Variants in DENND1B observed in about 807,000 individuals in gnomAD.
DENND1B encodes DENN domain containing 1B.
Under a neutral mutation model 90.1 loss-of-function variants are expected in DENND1B, and 59 were observed. The ratio of observed to expected loss-of-function variants is 0.65; its 90% confidence interval spans 0.53 to 0.81. The LOEUF (loss-of-function observed/expected upper bound fraction) is 0.81. Ranked by LOEUF, DENND1B falls within the 40% of genes least tolerant of loss-of-function variation. The pLI is 0.00. For missense variants in DENND1B, 862 were observed against 912.6 expected, an observed-to-expected ratio of 0.94 and a Z score of 0.71; for synonymous variants, 337 against 324.6, an observed-to-expected ratio of 1.04 and a Z score of -0.41.
chr1:197,635,481 C>T (rs560527534), intron 10 of DENND1B, among the ~76,000 whole-genome samples: 2 of 151,926 alleles, frequency 1.3e-5, no homozygotes, highest in Non-Finnish European at 2.9e-5. Flanking sequence ...GGATTACAGG[C>T]GTGTGACACC....
At chr1:197,620,583 T>A (rs187428284) in intron 10 of DENND1B, among the ~76,000 whole-genome samples, 1 of 151,370 alleles carries the variant, frequency 6.6e-6, no homozygotes, top group Non-Finnish European at 1.5e-5. Context: ...TGGACTATAA[T>A]TCAGATCCAC....
rs1393749131 is a variant in DENND1B at position 197,569,509 on chromosome 1, T to C, written c.1149+13643A>G. Among the ~76,000 whole-genome samples, 4 of 151,752 alleles carry C rather than the reference T, an allele frequency of 2.6e-5. No homozygotes were observed. The East Asian group carries it at 5.9e-4, about 22-fold the overall frequency. On this transcript the variant is annotated intron_variant, in intron 15 of 22. Coordinates refer to ENST00000620048, the MANE Select transcript of DENND1B (RefSeq NM_001195215.2). ...CAGCATTACTCAACAATAACAAATA[T>C]ATGAATCAACCTAACTGTCCATGAA...
At position 197,753,975 on chromosome 1, in the gene DENND1B, G is replaced by C. The variant is rs374382699; in HGVS notation, c.82+18893C>G. 4.6e-5 allele frequency among the ~76,000 whole-genome samples: 7 copies of C among 151,804 alleles called. No homozygotes were observed. The East Asian group carries it at 1.2e-3, about 25-fold the overall frequency. On this transcript the variant is annotated intron_variant, in intron 2 of 22. Coordinates refer to ENST00000620048, the MANE Select transcript of DENND1B (RefSeq NM_001195215.2). ...AGATCGTGCCACTGCACTCCAGCCT[G>C]GCAACAGAGCAAGATTCTAAATCAA...
chr1:197,549,477 C>G (rs371658568), intron 16 of DENND1B, among the ~76,000 whole-genome samples: 3 of 152,114 alleles, frequency 2.0e-5, no homozygotes, highest in East Asian at 3.9e-4. Flanking sequence ...AGAGTAACCA[C>G]ATACTCCTCA....
chr1:197,637,450 A>C (rs1679895179), intron 10 of DENND1B, among the ~76,000 whole-genome samples: 1 of 152,334 alleles, frequency 6.6e-6, no homozygotes, highest in Admixed American at 6.5e-5. Flanking sequence ...TAAGGCAGAA[A>C]TACGTGTTTA....
In DENND1B at chr1:197,626,150, C is replaced by T. The variant is rs561603801; in HGVS notation, c.673-8391G>A. ...TCAACAAGGATACCCAGGAATTGAACTCAGCTCTGCACCAAGCAGACCTAA... is the reference window on the plus strand; with the variant it reads ...TCAACAAGGATACCCAGGAATTGAATTCAGCTCTGCACCAAGCAGACCTAA... On this transcript the variant is annotated intron_variant, in intron 10 of 22. Transcript: ENST00000620048. 4.2e-3 allele frequency among the ~76,000 whole-genome samples: 632 copies of T among 152,172 alleles called. 4 individuals are homozygous for T. Among genetic ancestry groups the T allele is most frequent in the African/African-American group, 0.015 (605 of 41,538 alleles).
At chr1:197,732,819 T>C (rs771224570) in intron 2 of DENND1B, among the ~76,000 whole-genome samples, 1 of 152,216 alleles carries the variant, frequency 6.6e-6, no homozygotes, top group Non-Finnish European at 1.5e-5. Context: ...TGTAACTACA[T>C]TCTTGGTATT....
At chr1:197,676,575 G>T (rs1656099599) in intron 3 of DENND1B, among the ~76,000 whole-genome samples, 1 of 151,888 alleles carries the variant, frequency 6.6e-6, no homozygotes, top group African/African-American at 2.4e-5. Flanking sequence ...AAATTATTTT[G>T]GATTCAGAAT....
intron 12 of DENND1B, among the ~76,000 whole-genome samples, chr1:197,607,466 C>CA (rs1305137631): frequency 6.6e-6 from 1 of 150,748 alleles, no homozygotes; most frequent in Non-Finnish European, 1.5e-5. Context: ...AAACTGTAAA[C>CA]AAATTATATT....
chr1:197,736,013 C>A, intron 2 of DENND1B: 1 of 995,186 alleles, frequency 1.0e-6, no homozygotes, highest in Non-Finnish European at 1.6e-6. Context: ...AAAAACACTG[C>A]AATGGCTGCT....
intron 2 of DENND1B, among the ~76,000 whole-genome samples, chr1:197,771,299 C>T (rs992139102): frequency 1.3e-5 from 2 of 152,126 alleles, no homozygotes; most frequent in Non-Finnish European, 2.9e-5. Context: ...TATCATAAAC[C>T]ACTATAGAAT....
chr1:197,578,301 C>G (rs1242804275), intron 15 of DENND1B, among the ~76,000 whole-genome samples: 8 of 152,002 alleles, frequency 5.3e-5, no homozygotes, highest in African/African-American at 1.9e-4. Context: ...CTGGAGTGCA[C>G]TGGCACAATC....
At chr1:197,623,322 T>C (rs1028471479) in intron 10 of DENND1B, among the ~76,000 whole-genome samples, 2 of 151,492 alleles carry the variant, frequency 1.3e-5, no homozygotes, top group Non-Finnish European at 3.0e-5. Flanking sequence ...ATGTAATGAA[T>C]TCCTCATAAA....
intron 3 of DENND1B, among the ~76,000 whole-genome samples, chr1:197,707,023 C>T (rs1348077728): frequency 1.3e-5 from 2 of 151,814 alleles, no homozygotes; most frequent in African/African-American, 4.8e-5. Context: ...TGTCCATAAA[C>T]AAATGAATGG....
At chr1:197,738,215 C>G (rs1027956417) in intron 2 of DENND1B, among the ~76,000 whole-genome samples, 1 of 152,136 alleles carries the variant, frequency 6.6e-6, no homozygotes, top group Non-Finnish European at 1.5e-5. Context: ...GGAAAAGAAG[C>G]TTTCATGACA....
At chr1:197,655,735 T>G (rs1391409199) in intron 6 of DENND1B, among the ~76,000 whole-genome samples, 4 of 152,132 alleles carry the variant, frequency 2.6e-5, no homozygotes, top group Non-Finnish European at 4.4e-5. Context: ...GGTTTCACTG[T>G]GTGAGCCAGG....
intron 3 of DENND1B, chr1:197,690,196 A>G: frequency 3.4e-6 from 1 of 298,000 alleles, no homozygotes; most frequent in South Asian, 4.5e-5. Context: ...TTCGATGTCA[A>G]GAATGTGTCT....
At position 197,541,030 on chromosome 1, in the gene DENND1B, T is replaced by C. The variant is rs764156362; in HGVS notation, c.1351-15A>G. On this transcript the variant is annotated splice_polypyrimidine_tract_variant and intron_variant, in intron 18 of 22. Coordinates refer to ENST00000620048, the MANE Select transcript of DENND1B (RefSeq NM_001195215.2). ...TGATTTTTTGCCTAGAAAATGATAA[T>C]GAATGTGCCTGGCTCAGGATGGTTC... 1.9e-6 allele frequency: 3 copies of C among 1,612,238 alleles called. No individual in the cohort carries two copies. The highest frequency in any genetic ancestry group is 1.7e-6 in the Non-Finnish European group (2 of 1,178,856).
At chr1:197,741,957 C>T (rs1663254716) in intron 2 of DENND1B, among the ~76,000 whole-genome samples, 1 of 152,034 alleles carries the variant, frequency 6.6e-6, no homozygotes, top group Admixed American at 6.6e-5. Context: ...ATGAGGATAG[C>T]TACTGAACCT....
Sources: allele counts gnomAD v4.1 joint callset (sites outside exome capture counted in the v4.1 genomes callset), GRCh38; gene constraint gnomAD v4.1.1; transcripts MANE v1.5; gene names NCBI Gene and HGNC (gene_info 2026-07-23, HGNC 2026-07-21).